Variants in GRM5 observed in about 807,000 individuals in gnomAD.
The protein encoded by GRM5 is glutamate metabotropic receptor 5, also known as metabotropic glutamate receptor 5.
Under a neutral mutation model 83.1 loss-of-function variants are expected in GRM5, and 19 were observed. The observed-to-expected ratio is 0.23, with a 90% confidence interval of 0.16 to 0.34. The LOEUF (loss-of-function observed/expected upper bound fraction) is 0.34, where lower values mean the gene tolerates loss of function less well. GRM5 is among the 10% of genes least tolerant of loss of function. The pLI is 1.00. For missense variants in GRM5, 1,160 were observed against 1,588.3 expected, an observed-to-expected ratio of 0.73 and a Z score of 4.58; for synonymous variants, 675 against 633.6, an observed-to-expected ratio of 1.07 and a Z score of -0.98.
rs1391115400 is a variant in GRM5 at position 88,791,546 on chromosome 11, A to G, written c.911+58360T>C. Among the ~76,000 whole-genome samples, 12 of 152,250 alleles carry G rather than the reference A, an allele frequency of 7.9e-5. 1 individual carries two copies. The highest frequency in any genetic ancestry group is 3.4e-3 in the Middle Eastern group (1 of 292). On this transcript the variant is annotated intron_variant, in intron 3 of 9. Transcript: ENST00000305447. Reference sequence around the variant, plus strand: ...TCTCCTGACACATAATAAGGATGCAATAAATGGAAATTTCATTGATAACTT... The same window carrying G: ...TCTCCTGACACATAATAAGGATGCAGTAAATGGAAATTTCATTGATAACTT...
intron 2 of GRM5, among the ~76,000 whole-genome samples, 191 bp from the exon 3 acceptor site, chr11:88,850,346 T>C (rs529493255): frequency 5.3e-5 from 8 of 152,320 alleles, no homozygotes; most frequent in African/African-American, 1.9e-4. Flanking sequence ...AACCACATTA[T>C]ATATGCATTG....
At chr11:88,995,225 A>G (rs1218219540) in intron 2 of GRM5, among the ~76,000 whole-genome samples, 1 of 152,118 alleles carries the variant, frequency 6.6e-6, no homozygotes, top group East Asian at 1.9e-4. Context: ...AATTGGTTGT[A>G]CAGAGCAAAA....
intron 2 of GRM5, among the ~76,000 whole-genome samples, chr11:88,855,536 A>C (rs1023500441): frequency 1.6e-4 from 25 of 151,996 alleles, no homozygotes; most frequent in African/African-American, 5.5e-4. Flanking sequence ...ATAATTGTGG[A>C]TCCTTCACCT....
At chr11:88,974,794 C>T (rs1204058239) in intron 2 of GRM5, among the ~76,000 whole-genome samples, 1 of 152,096 alleles carries the variant, frequency 6.6e-6, no homozygotes, top group Non-Finnish European at 1.5e-5. Flanking sequence ...TTAATGTCTT[C>T]TCTCTCACCC....
chr11:88,660,396 G>GTATATATATAA (rs1939873646), intron 3 of GRM5, among the ~76,000 whole-genome samples: 1 of 152,142 alleles, frequency 6.6e-6, no homozygotes, highest in African/African-American at 2.4e-5. Context: ...TATATACAAT[G>GTATATATATAA]GGCATGGATT....
intron 4 of GRM5, among the ~76,000 whole-genome samples, chr11:88,646,509 A>C (rs193048900): frequency 6.6e-6 from 1 of 152,042 alleles, no homozygotes; most frequent in African/African-American, 2.4e-5. Context: ...ACAAAAATTA[A>C]CAAGGCTACA....
intron 3 of GRM5, among the ~76,000 whole-genome samples, chr11:88,660,202 A>G (rs1022441863): frequency 6.6e-6 from 1 of 152,034 alleles, no homozygotes; most frequent in Non-Finnish European, 1.5e-5. Flanking sequence ...TTTTTACTCA[A>G]TCTTTCCATA....
At chr11:88,838,724 C>G (rs1406447295) in intron 3 of GRM5, among the ~76,000 whole-genome samples, 1 of 152,118 alleles carries the variant, frequency 6.6e-6, no homozygotes, top group Non-Finnish European at 1.5e-5. Context: ...TATAGTTTAA[C>G]AAAATCTTTC....
chr11:88,535,566 T>C (rs892054751), intron 8 of GRM5, among the ~76,000 whole-genome samples: 20 of 152,348 alleles, frequency 1.3e-4, no homozygotes, highest in African/African-American at 4.6e-4. Context: ...GTGTCAGAAA[T>C]TCTTTTTATG....
chr11:88,771,066 C>A (rs968113335), intron 3 of GRM5, among the ~76,000 whole-genome samples: 2 of 152,030 alleles, frequency 1.3e-5, no homozygotes, highest in Non-Finnish European at 2.9e-5. Flanking sequence ...AAACAAACAT[C>A]TTAATATGTA....
intron 2 of GRM5, among the ~76,000 whole-genome samples, chr11:89,011,395 A>G (rs1211551651): frequency 1.3e-5 from 2 of 152,206 alleles, no homozygotes; most frequent in East Asian, 3.8e-4. Flanking sequence ...ACAGTTGTGA[A>G]TATCGTGGGA....
chr11:88,548,419 G>A (rs1354895202), intron 8 of GRM5, among the ~76,000 whole-genome samples: 3 of 151,972 alleles, frequency 2.0e-5, no homozygotes, highest in South Asian at 2.1e-4. Flanking sequence ...AACAAATGAG[G>A]CCACTAACAT....
chr11:88,752,394 T>C (rs1942297361), intron 3 of GRM5, among the ~76,000 whole-genome samples: 1 of 151,874 alleles, frequency 6.6e-6, no homozygotes, highest in Non-Finnish European at 1.5e-5. Flanking sequence ...ACAGTTAACA[T>C]GGGAAGTGAA....
chr11:88,656,098 A>T (rs568609217), intron 3 of GRM5, among the ~76,000 whole-genome samples: 16 of 151,986 alleles, frequency 1.1e-4, no homozygotes, highest in African/African-American at 3.9e-4. Flanking sequence ...CTGCCACCTA[A>T]TGCTTTCTAT....
At chr11:88,640,807 G>T (rs1369291535) in intron 4 of GRM5, among the ~76,000 whole-genome samples, 1 of 152,126 alleles carries the variant, frequency 6.6e-6, no homozygotes, top group Non-Finnish European at 1.5e-5. Flanking sequence ...GAGCTTCCAC[G>T]CTCTCCCTGG....
chr11:89,050,698 A>C (rs1313969805), intron 1 of GRM5, among the ~76,000 whole-genome samples: 1 of 152,202 alleles, frequency 6.6e-6, no homozygotes, highest in Non-Finnish European at 1.5e-5. Context: ...CAAAAACATA[A>C]AATCAACTTA....
chr11:88,523,442 T>C (rs765866079), intron 9 of GRM5, among the ~76,000 whole-genome samples: 1 of 152,144 alleles, frequency 6.6e-6, no homozygotes, highest in Non-Finnish European at 1.5e-5. Context: ...TTTTCAAGGA[T>C]ATGAATTATG....
intron 3 of GRM5, among the ~76,000 whole-genome samples, chr11:88,659,928 T>C (rs1939861672): frequency 6.6e-6 from 1 of 152,236 alleles, no homozygotes; most frequent in Non-Finnish European, 1.5e-5. Flanking sequence ...TTATAAGTTA[T>C]TGCTATGGAA....
At chr11:88,988,872 G>A in intron 2 of GRM5, among the ~76,000 whole-genome samples, 3 of 145,920 alleles carry the variant, frequency 2.1e-5, no homozygotes, top group East Asian at 2.0e-4. Flanking sequence ...GCTAAACATG[G>A]AAAGGAACAA....
Sources: allele counts gnomAD v4.1 joint callset (sites outside exome capture counted in the v4.1 genomes callset), GRCh38; gene constraint gnomAD v4.1.1; transcripts MANE v1.5; gene names NCBI Gene and HGNC (gene_info 2026-07-23, HGNC 2026-07-21).